Variants in CLVS1 observed in about 807,000 individuals in gnomAD.
CLVS1 encodes the protein clavesin-1.
In CLVS1, 10 loss-of-function variants were observed where a neutral mutation model predicts 33.1. The ratio of observed to expected loss-of-function variants is 0.30; its 90% CI spans 0.19 to 0.51. The LOEUF is 0.51. CLVS1 is among the 20% of genes least tolerant of loss of function. CLVS1 has a pLI of 0.97. For missense variants in CLVS1, 343 were observed against 433.4 expected, an observed-to-expected ratio of 0.79 and a Z score of 1.85; for synonymous variants, 163 against 166.1, an observed-to-expected ratio of 0.98 and a Z score of 0.14.
chr8:61,474,567 G>C (rs796888791), intron 5 of CLVS1, among the ~76,000 whole-genome samples: 3 of 152,238 alleles, frequency 2.0e-5, no homozygotes, highest in African/African-American at 7.2e-5. Flanking sequence ...ATATCTCAAT[G>C]CTAATAGCAA....
chr8:61,000,264 A>G, the CLVS1 span, among the ~76,000 whole-genome samples: 1 of 152,226 alleles, frequency 6.6e-6, no homozygotes, highest in Non-Finnish European at 1.5e-5. Flanking sequence ...AAGCTTCTGT[A>G]ATTCAGTGTC....
chr8:61,244,442 T>C (rs1367985376), intron 2 of CLVS1, among the ~76,000 whole-genome samples: 1 of 152,180 alleles, frequency 6.6e-6, no homozygotes, highest in South Asian at 2.1e-4. Flanking sequence ...TTCAAAACAA[T>C]ATGTTTCTGA....
intron 1 of CLVS1, among the ~76,000 whole-genome samples, chr8:61,078,457 G>A (rs569322679): frequency 4.6e-5 from 7 of 152,310 alleles, no homozygotes; most frequent in South Asian, 2.1e-4. Context: ...CAGAAGTGTG[G>A]AAATTCTAGT....
chr8:61,184,941 A>G (rs980515698), intron 2 of CLVS1, among the ~76,000 whole-genome samples: 22 of 152,250 alleles, frequency 1.4e-4, no homozygotes, highest in African/African-American at 5.3e-4. Flanking sequence ...TTCACAGAAG[A>G]ATAAGAAAAT....
chr8:61,052,140 A>G, the CLVS1 span, among the ~76,000 whole-genome samples: 2 of 151,880 alleles, frequency 1.3e-5, no homozygotes, highest in Admixed American at 1.3e-4. Context: ...TGAGAAAGCC[A>G]CTCCGTTTAA....
intron 1 of CLVS1, among the ~76,000 whole-genome samples, chr8:61,097,736 A>T (rs539305617): frequency 2.0e-5 from 3 of 152,270 alleles, no homozygotes; most frequent in Admixed American, 6.5e-5. Context: ...GCTATTATCT[A>T]TGTTGGTGTA....
chr8:61,259,386 C>T (rs1809152472), intron 2 of CLVS1, among the ~76,000 whole-genome samples: 1 of 152,190 alleles, frequency 6.6e-6, no homozygotes, highest in Non-Finnish European at 1.5e-5. Context: ...CTGACCTTGA[C>T]ATATCAGTAG....
intron 2 of CLVS1, among the ~76,000 whole-genome samples, chr8:61,218,896 A>G (rs551228409): frequency 6.6e-6 from 1 of 152,248 alleles, no homozygotes; most frequent in African/African-American, 2.4e-5. Flanking sequence ...GTGAGCTGAG[A>G]TCGTGCCATT....
intron 2 of CLVS1, among the ~76,000 whole-genome samples, chr8:61,218,661 A>T (rs183344675): frequency 2.0e-5 from 3 of 150,528 alleles, no homozygotes; most frequent in Admixed American, 1.3e-4. Flanking sequence ...AAGGCCAGGC[A>T]TGGTGGATGA....
At chr8:61,172,022 C>G (rs150561024) in intron 2 of CLVS1, among the ~76,000 whole-genome samples, 6 of 152,268 alleles carry the variant, frequency 3.9e-5, no homozygotes, top group Non-Finnish European at 8.8e-5. Context: ...TCAAATTCAC[C>G]TCCAAACTCT....
At chr8:61,416,969 CA>C (rs1563543973) in intron 3 of CLVS1, among the ~76,000 whole-genome samples, 1 of 152,172 alleles carries the variant, frequency 6.6e-6, no homozygotes, top group African/African-American at 2.4e-5. Context: ...AAGAGAATAG[CA>C]AGCCCAGTGG....
the CLVS1 span, among the ~76,000 whole-genome samples, chr8:60,973,288 T>C: frequency 2.0e-5 from 3 of 152,268 alleles, no homozygotes; most frequent in Admixed American, 6.5e-5. Flanking sequence ...TTTCTCCTTA[T>C]ACAAAATTAA....
intron 3 of CLVS1, among the ~76,000 whole-genome samples, chr8:61,408,389 G>A (rs544927437): frequency 2.0e-5 from 3 of 152,248 alleles, no homozygotes; most frequent in South Asian, 2.1e-4. Context: ...AAAGAGATTC[G>A]ATTGAAAAGA....
chr8:61,220,953 A>G (rs767649859), intron 2 of CLVS1, among the ~76,000 whole-genome samples: 1 of 152,062 alleles, frequency 6.6e-6, no homozygotes, highest in Non-Finnish European at 1.5e-5. Flanking sequence ...GTGCTTGTGA[A>G]TGGGAATTCG....
At chr8:61,477,531 G>C (rs1367358843) in intron 5 of CLVS1, among the ~76,000 whole-genome samples, 1 of 152,188 alleles carries the variant, frequency 6.6e-6, no homozygotes, top group Admixed American at 6.5e-5. Context: ...TCTTGGGAGG[G>C]TGTATGTGTC....
chr8:60,968,033 G>A, the CLVS1 span, among the ~76,000 whole-genome samples: 9 of 152,086 alleles, frequency 5.9e-5, no homozygotes, highest in African/African-American at 2.2e-4. Flanking sequence ...CAAATTCTCG[G>A]GCCCAAGCGA....
At chr8:61,439,718 C>T (rs1206445398) in intron 3 of CLVS1, among the ~76,000 whole-genome samples, 1 of 152,108 alleles carries the variant, frequency 6.6e-6, no homozygotes, top group African/African-American at 2.4e-5. Flanking sequence ...TTGTCTGTTG[C>T]CTTGGCAGAA....
chr8:61,271,957 T>C (rs1809449363), intron 2 of CLVS1, among the ~76,000 whole-genome samples: 1 of 151,864 alleles, frequency 6.6e-6, no homozygotes, highest in Non-Finnish European at 1.5e-5. Context: ...GATGGGTCTG[T>C]CTGTGTCTTT....
chr8:61,259,355 G>T (rs1422041161), intron 2 of CLVS1, among the ~76,000 whole-genome samples: 1 of 152,168 alleles, frequency 6.6e-6, no homozygotes, highest in Non-Finnish European at 1.5e-5. Flanking sequence ...TCGTATATAA[G>T]CTGAGATGTC....
Sources: gnomAD v4.1 joint callset for allele counts (sites outside exome capture counted in the v4.1 genomes callset) on GRCh38, gnomAD v4.1.1 for gene constraint, MANE v1.5 for transcripts, NCBI Gene and HGNC (gene_info 2026-07-23, HGNC 2026-07-21) for gene names.